DAPK1: variants seen among roughly 807,000 people sequenced by gnomAD.
DAPK1 encodes death associated protein kinase 1, also known as death-associated protein kinase 1.
A neutral mutation model predicts 144.9 loss-of-function variants in DAPK1; 56 were observed. The ratio of observed to expected loss-of-function variants is 0.39; its 90% CI spans 0.31 to 0.48. The LOEUF is 0.48. DAPK1 is among the 20% of genes least tolerant of loss of function. The pLI, the probability that DAPK1 is intolerant of heterozygous loss-of-function variation, is 0.95. For synonymous variants in DAPK1, 690 were observed against 749.0 expected, an observed-to-expected ratio of 0.92 and a Z score of 1.29; for missense variants, 1,454 against 1,875.4, an observed-to-expected ratio of 0.78 and a Z score of 4.15.
chr9:87,630,968 T>C (rs1247343283), intron 3 of DAPK1, among the ~76,000 whole-genome samples: 2 of 152,172 alleles, frequency 1.3e-5, no homozygotes, highest in Non-Finnish European at 2.9e-5. Flanking sequence ...TCATTGTACA[T>C]AGAGCAAAGG....
chr9:87,661,862 G>A (rs560292376), intron 18 of DAPK1, among the ~76,000 whole-genome samples: 9 of 152,062 alleles, frequency 5.9e-5, no homozygotes, highest in South Asian at 2.1e-4. Flanking sequence ...GTTATGTTCC[G>A]TATGCTTTTG....
At chr9:87,533,424 T>C (rs890342007) in intron 2 of DAPK1, among the ~76,000 whole-genome samples, 1 of 152,146 alleles carries the variant, frequency 6.6e-6, no homozygotes, top group Non-Finnish European at 1.5e-5. Flanking sequence ...ACAGGCAGCA[T>C]CAGCCAGGTG....
At chr9:87,558,602 C>T (rs184206195) in intron 2 of DAPK1, among the ~76,000 whole-genome samples, 19 of 152,266 alleles carry the variant, frequency 1.2e-4, no homozygotes, top group African/African-American at 3.6e-4. Context: ...AACAATTCCT[C>T]GATACTAGCT....
intron 22 of DAPK1, 134 bp downstream of exon 22, chr9:87,697,338 G>A (rs1343693047): frequency 1.3e-5 from 8 of 629,302 alleles, no homozygotes; most frequent in African/African-American, 5.5e-5. Context: ...AGATCCCACC[G>A]TTTGTGGCTA....
At chr9:87,683,451 G>C (rs114799844) in intron 20 of DAPK1, among the ~76,000 whole-genome samples, 1 of 152,174 alleles carries the variant, frequency 6.6e-6, no homozygotes, top group Non-Finnish European at 1.5e-5. Context: ...GAGGCAGCAC[G>C]CTCCTGCTGT....
intron 19 of DAPK1, among the ~76,000 whole-genome samples, chr9:87,672,701 A>G (rs1824218664): frequency 6.6e-6 from 1 of 152,188 alleles, no homozygotes; most frequent in Non-Finnish European, 1.5e-5. Context: ...AAGCATTGCT[A>G]ATTGCGGTCT....
At chr9:87,530,899 T>G (rs892446304) in intron 2 of DAPK1, among the ~76,000 whole-genome samples, 4 of 66,196 alleles carry the variant, frequency 6.0e-5, no homozygotes, top group African/African-American at 3.1e-4. Context: ...TCCATATTCA[T>G]GCAGGTCTCT....
At chr9:87,648,959 T>TA in intron 15 of DAPK1, 80 bp downstream of exon 15, 1 of 1,253,964 alleles carries the variant, frequency 8.0e-7, no homozygotes, top group East Asian at 2.3e-5. Flanking sequence ...TCGGGGCCTT[T>TA]AGAGTTTTAT....
intron 3 of DAPK1, among the ~76,000 whole-genome samples, chr9:87,608,409 A>G (rs1461410049): frequency 6.6e-6 from 1 of 152,140 alleles, no homozygotes; most frequent in Non-Finnish European, 1.5e-5. Context: ...GGTATTTGAT[A>G]ATTAGGAGTA....
chr9:87,698,826 G>T, intron 23 of DAPK1, 32 bp downstream of exon 23: 2 of 1,440,868 alleles, frequency 1.4e-6, no homozygotes, highest in South Asian at 1.2e-5. Context: ...TCCAGCTCAC[G>T]GGTAGCCTCC....
At chr9:87,692,986 T>C (rs980132335) in intron 21 of DAPK1, among the ~76,000 whole-genome samples, 1 of 126,694 alleles carries the variant, frequency 7.9e-6, no homozygotes, top group Non-Finnish European at 1.7e-5. Flanking sequence ...TTTTTTTTTT[T>C]TTTTTCTGTT....
intron 8 of DAPK1, 87 bp downstream of exon 8, chr9:87,640,537 C>T (rs1587799836): frequency 7.0e-7 from 1 of 1,423,996 alleles, no homozygotes; most frequent in East Asian, 2.3e-5. Flanking sequence ...GGCCACGTTC[C>T]TCAGACCCTG....
At chr9:87,618,899 G>A (rs545512098) in intron 3 of DAPK1, among the ~76,000 whole-genome samples, 3 of 152,186 alleles carry the variant, frequency 2.0e-5, no homozygotes, top group Middle Eastern at 3.2e-3. Context: ...AGAGTGAATT[G>A]TATGGTGCGT....
chr9:87,666,809 T>C (rs1168036879), intron 18 of DAPK1, among the ~76,000 whole-genome samples: 1 of 151,896 alleles, frequency 6.6e-6, no homozygotes, highest in Non-Finnish European at 1.5e-5. Flanking sequence ...TCTCTTGACT[T>C]TGAAGAGGTT....
chr9:87,569,840 C>G (rs2118733619), intron 2 of DAPK1, among the ~76,000 whole-genome samples: 1 of 152,288 alleles, frequency 6.6e-6, no homozygotes, highest in African/African-American at 2.4e-5. Flanking sequence ...TGTCCTCTTC[C>G]TTTATTTTTA....
chr9:87,643,347 C>CCTT, intron 10 of DAPK1, 29 bp from the exon 11 acceptor site: 2 of 1,001,882 alleles, frequency 2.0e-6, no homozygotes, highest in Non-Finnish European at 1.4e-6. Flanking sequence ...CCCGCCCTCC[C>CCTT]TTTTTTTTTT....
chr9:87,578,855 C>T (rs533482273), intron 2 of DAPK1, among the ~76,000 whole-genome samples: 4 of 152,240 alleles, frequency 2.6e-5, no homozygotes, highest in Non-Finnish European at 1.5e-5. Context: ...TGGGGATTTT[C>T]GTCTTATCTT....
chr9:87,559,007 G>T (rs1826813223), intron 2 of DAPK1, among the ~76,000 whole-genome samples: 3 of 152,096 alleles, frequency 2.0e-5, no homozygotes, highest in Non-Finnish European at 4.4e-5. Flanking sequence ...GTCTCTCTCT[G>T]TAAGAAATCA....
intron 21 of DAPK1, among the ~76,000 whole-genome samples, chr9:87,695,602 G>A (rs956089056): frequency 2.0e-5 from 3 of 152,162 alleles, no homozygotes; most frequent in African/African-American, 7.2e-5. Flanking sequence ...TTTGACCCCT[G>A]CTTGACACTT....
Sources: gnomAD v4.1 joint callset for allele counts (sites outside exome capture counted in the v4.1 genomes callset) on GRCh38, gnomAD v4.1.1 for gene constraint, MANE v1.5 for transcripts, NCBI Gene and HGNC (gene_info 2026-07-23, HGNC 2026-07-21) for gene names.